NPAS3: variants seen among roughly 807,000 people sequenced by gnomAD.
NPAS3 encodes neuronal PAS domain protein 3.
NPAS3 carries 14 observed loss-of-function variants against 73.1 expected under a neutral mutation model. The observed-to-expected ratio is 0.19, with a 90% confidence interval of 0.13 to 0.30. The LOEUF is 0.30. NPAS3 is among the 10% of genes least tolerant of loss of function. The pLI is 1.00. For synonymous variants in NPAS3, 620 were observed against 541.5 expected, an observed-to-expected ratio of 1.14 and a Z score of -2.01; for missense variants, 1,096 against 1,250.0, an observed-to-expected ratio of 0.88 and a Z score of 1.86.
intron 6 of NPAS3, among the ~76,000 whole-genome samples, chr14:33,700,845 C>T (rs4287473): frequency 0.44 from 67,169 of 152,070 alleles, 15,429 homozygotes; most frequent in Admixed American, 0.59. Context: ...TTCCACCACA[C>T]GTTTAAACCC....
intron 4 of NPAS3, among the ~76,000 whole-genome samples, chr14:33,429,382 A>G (rs2048689108): frequency 6.6e-6 from 1 of 152,054 alleles, no homozygotes; most frequent in Non-Finnish European, 1.5e-5. Flanking sequence ...GGAAGTTTAG[A>G]TCAACTGTTT....
At chr14:33,211,709 A>G (rs2047041942) in intron 2 of NPAS3, among the ~76,000 whole-genome samples, 2 of 152,212 alleles carry the variant, frequency 1.3e-5, no homozygotes, top group East Asian at 3.9e-4. Context: ...AGATACATAC[A>G]TACATATATG....
intron 7 of NPAS3, among the ~76,000 whole-genome samples, chr14:33,764,049 A>T (rs998701041): frequency 1.2e-4 from 19 of 152,104 alleles, no homozygotes; most frequent in African/African-American, 4.6e-4. Context: ...TTACTTCTAC[A>T]TCCTCTAAAG....
intron 7 of NPAS3, among the ~76,000 whole-genome samples, chr14:33,745,561 T>A (rs2061766425): frequency 6.6e-6 from 1 of 152,206 alleles, no homozygotes; most frequent in Admixed American, 6.5e-5. Flanking sequence ...TGGCCCATAG[T>A]GAACACATAC....
At chr14:32,983,079 A>G (rs920947349) in intron 1 of NPAS3, among the ~76,000 whole-genome samples, 22 of 152,328 alleles carry the variant, frequency 1.4e-4, no homozygotes, top group African/African-American at 5.3e-4. Context: ...TCAATACTAA[A>G]AACTGTAGAT....
rs143302225 is a variant in NPAS3 at position 33,267,072 on chromosome 14, C to A, written c.385+51646C>A. Among the ~76,000 whole-genome samples, 60 of 152,218 alleles carry A rather than the reference C, an allele frequency of 3.9e-4. No homozygotes were observed. In the East Asian group the frequency reaches 0.01, roughly 26 times the overall value. On this transcript the variant is annotated intron_variant, in intron 3 of 11. Coordinates refer to ENST00000356141, the Ensembl canonical transcript of NPAS3. ...ATTTTTACCCTGTAGTTTATGAAAT[C>A]TGCTATTGTATATTGCCCAAAGGCT...
intron 2 of NPAS3, among the ~76,000 whole-genome samples, chr14:33,090,138 A>C (rs1222448465): frequency 6.6e-6 from 1 of 152,252 alleles, no homozygotes; most frequent in Admixed American, 6.5e-5. Flanking sequence ...GATCAGGTTC[A>C]CACATAACAA....
At chr14:33,285,322 A>G (rs1370819796) in intron 3 of NPAS3, among the ~76,000 whole-genome samples, 2 of 152,176 alleles carry the variant, frequency 1.3e-5, no homozygotes, top group African/African-American at 2.4e-5. Flanking sequence ...AAATGGGAAC[A>G]TTAGTGACCA....
At chr14:33,631,391 T>A (rs1299474083) in intron 5 of NPAS3, among the ~76,000 whole-genome samples, 1 of 152,228 alleles carries the variant, frequency 6.6e-6, no homozygotes, top group Non-Finnish European at 1.5e-5. Flanking sequence ...AATTTACTAA[T>A]GTTTGCTATT....
chr14:33,061,912 T>C (rs1431072586), intron 2 of NPAS3, among the ~76,000 whole-genome samples: 2 of 152,082 alleles, frequency 1.3e-5, no homozygotes, highest in Non-Finnish European at 2.9e-5. Flanking sequence ...AAGGTCTTCA[T>C]GGTGGAGGAG....
chr14:33,079,325 C>CTTTTT (rs772885846), intron 2 of NPAS3, among the ~76,000 whole-genome samples: 5 of 132,300 alleles, frequency 3.8e-5, no homozygotes, highest in Admixed American at 7.6e-5. Context: ...TTTCTTTTTC[C>CTTTTT]TTTTTTTTTT....
chr14:33,489,904 T>C (rs1404679579), intron 4 of NPAS3, among the ~76,000 whole-genome samples: 6 of 152,142 alleles, frequency 3.9e-5, no homozygotes, highest in South Asian at 4.1e-4. Flanking sequence ...TTTTTATTGA[T>C]TTTTCATCTG....
At chr14:33,194,049 G>A (rs544404829) in intron 2 of NPAS3, among the ~76,000 whole-genome samples, 1 of 152,228 alleles carries the variant, frequency 6.6e-6, no homozygotes, top group Admixed American at 6.5e-5. Flanking sequence ...ATGATTTAAC[G>A]AAACCAAAGG....
At chr14:32,941,743 AAGG>A (rs1482901256) in intron 1 of NPAS3, among the ~76,000 whole-genome samples, 2 of 152,062 alleles carry the variant, frequency 1.3e-5, no homozygotes, top group Non-Finnish European at 2.9e-5. Context: ...CTGTATGGAG[AAGG>A]AGGAGTAATA....
At chr14:33,004,921 C>T (rs1173973318) in intron 1 of NPAS3, among the ~76,000 whole-genome samples, 1 of 147,344 alleles carries the variant, frequency 6.8e-6, no homozygotes, top group Non-Finnish European at 1.5e-5. Flanking sequence ...ACTAATACCA[C>T]TGTCTTCCAC....
At chr14:33,552,012 T>C (rs141438854) in intron 4 of NPAS3, among the ~76,000 whole-genome samples, 21 of 152,334 alleles carry the variant, frequency 1.4e-4, no homozygotes, top group African/African-American at 4.3e-4. Flanking sequence ...ATTCATTTTC[T>C]TAGTCTTGGA....
chr14:33,576,858 G>A (rs2056456606), intron 5 of NPAS3, among the ~76,000 whole-genome samples: 1 of 152,176 alleles, frequency 6.6e-6, no homozygotes, highest in Non-Finnish European at 1.5e-5. Flanking sequence ...CAGAGAGTAG[G>A]CCCTCAGAGG....
chr14:33,356,276 G>A lies in NPAS3; in HGVS notation c.386-10910G>A, dbSNP rs184362550. 7.2e-5 allele frequency among the ~76,000 whole-genome samples: 11 copies of A among 152,260 alleles called. No individual in the cohort carries two copies. The East Asian group carries it at 2.1e-3, about 29-fold the overall frequency. On this transcript the variant is annotated intron_variant, in intron 3 of 11. Coordinates refer to ENST00000356141, the Ensembl canonical transcript of NPAS3. ...CGAAGTCCGTTCTCATCAGAATTCT[G>A]GTTCAGTTATTCAGTTCAAATTTTT...
intron 3 of NPAS3, among the ~76,000 whole-genome samples, chr14:33,272,049 C>T (rs1169531141): frequency 6.6e-6 from 1 of 152,152 alleles, no homozygotes; most frequent in Non-Finnish European, 1.5e-5. Context: ...AAGGTGATGC[C>T]TTCAAGTGCT....
Sources: allele counts gnomAD v4.1 joint callset (sites outside exome capture counted in the v4.1 genomes callset), GRCh38; gene constraint gnomAD v4.1.1; transcripts MANE v1.5; gene names NCBI Gene and HGNC (gene_info 2026-07-23, HGNC 2026-07-21).